The following MYO1D variants were observed in gnomAD, a reference collection of about 807,000 sequenced individuals.
MYO1D encodes unconventional myosin-Id.
A neutral mutation model predicts 122.0 loss-of-function variants in MYO1D; 83 were observed. The ratio of observed to expected loss-of-function variants is 0.68; its 90% CI spans 0.57 to 0.82. The LOEUF (loss-of-function observed/expected upper bound fraction) is 0.82, where lower values mean the gene tolerates loss of function less well. Among genes scored for constraint, MYO1D ranks in the 40% least tolerant of loss-of-function variants. MYO1D has a pLI of 0.00. For synonymous variants in MYO1D, 464 were observed against 446.9 expected (o/e 1.04, Z -0.48); for missense variants, 1,157 against 1,269.5 (o/e 0.91, Z 1.35).
intron 21 of MYO1D, among the ~76,000 whole-genome samples, chr17:32,597,241 G>C (rs1397913944): frequency 1.3e-5 from 2 of 152,084 alleles, no homozygotes; most frequent in African/African-American, 2.4e-5. Flanking sequence ...TATATTGGTC[G>C]CAGAAGGTTT....
chr17:32,552,768 A>G (rs1004024996), intron 21 of MYO1D, among the ~76,000 whole-genome samples: 1 of 152,236 alleles, frequency 6.6e-6, no homozygotes, highest in East Asian at 1.9e-4. Context: ...TTGGATGTGC[A>G]TCAGGGTGCT....
intron 20 of MYO1D, among the ~76,000 whole-genome samples, chr17:32,607,147 G>A (rs556195106): frequency 1.6e-4 from 24 of 151,780 alleles, no homozygotes; most frequent in Admixed American, 3.3e-4. Flanking sequence ...GCAACAGAGC[G>A]AGACTCCATC....
At chr17:32,751,017 A>G (rs1159442263) in intron 11 of MYO1D, among the ~76,000 whole-genome samples, 1 of 152,168 alleles carries the variant, frequency 6.6e-6, no homozygotes, top group Non-Finnish European at 1.5e-5. Flanking sequence ...ACATTCTTAC[A>G]TTTGGATACT....
chr17:32,735,222 C>T (rs914105772), intron 14 of MYO1D, among the ~76,000 whole-genome samples: 1 of 152,090 alleles, frequency 6.6e-6, no homozygotes, highest in African/African-American at 2.4e-5. Context: ...TGGAGTCTCG[C>T]TCTGTTGCCC....
chr17:32,652,161 G>C lies in MYO1D; in HGVS notation c.2595+1682C>G, dbSNP rs184338990. Among the ~76,000 whole-genome samples, 201 of 152,218 alleles carry C rather than the reference G, an allele frequency of 1.3e-3. 1 individual carries two copies. Among genetic ancestry groups the C allele is most frequent in the Non-Finnish European group, 1.4e-3 (94 of 68,016 alleles). ...GTAAATATGGGCTGTGGAATTCTTA[G>C]ATTAAGTGGTATGAGAATTTTAAAT... On this transcript the variant is annotated intron_variant, in intron 19 of 21. Coordinates refer to ENST00000318217, the MANE Select transcript of MYO1D (RefSeq NM_015194.3).
chr17:32,628,941 T>C (rs987886475), intron 20 of MYO1D, among the ~76,000 whole-genome samples: 6 of 152,220 alleles, frequency 3.9e-5, no homozygotes, highest in African/African-American at 1.2e-4. Context: ...CAAATGTTTT[T>C]AGTAGCTTTA....
At chr17:32,773,870 T>C (rs1210589696) in intron 4 of MYO1D, among the ~76,000 whole-genome samples, 1 of 151,990 alleles carries the variant, frequency 6.6e-6, no homozygotes, top group East Asian at 1.9e-4. Context: ...TACACATCGG[T>C]CCCTCCCTAG....
At chr17:32,619,233 T>C (rs546941922) in intron 20 of MYO1D, among the ~76,000 whole-genome samples, 27 of 152,346 alleles carry the variant, frequency 1.8e-4, no homozygotes, top group Non-Finnish European at 3.1e-4. Context: ...TTTCATATAT[T>C]GCAGTCATCA....
At chr17:32,645,041 T>C (rs1164078550) in intron 19 of MYO1D, among the ~76,000 whole-genome samples, 1 of 152,224 alleles carries the variant, frequency 6.6e-6, no homozygotes, top group Non-Finnish European at 1.5e-5. Context: ...GTTTTTGCAG[T>C]GGCTGGTACC....
chr17:32,591,663 T>C (rs1327301791), intron 21 of MYO1D, among the ~76,000 whole-genome samples: 1 of 139,478 alleles, frequency 7.2e-6, no homozygotes, highest in East Asian at 1.9e-4. Context: ...GGTGATTTCA[T>C]CAAAAAAAAA....
At chr17:32,499,678 G>A (rs934444715) in intron 21 of MYO1D, among the ~76,000 whole-genome samples, 4 of 151,888 alleles carry the variant, frequency 2.6e-5, no homozygotes, top group Non-Finnish European at 4.4e-5. Context: ...AAAATAAAAA[G>A]CCAAGTATGG....
intron 1 of MYO1D, among the ~76,000 whole-genome samples, chr17:32,810,777 T>C (rs2090563964): frequency 6.6e-6 from 1 of 152,236 alleles, no homozygotes; most frequent in Non-Finnish European, 1.5e-5. Flanking sequence ...TAACTTTTAA[T>C]ATGCCTTTAA....
Position 32,646,021 on chromosome 17 carries a change from G to T in MYO1D, c.2596-7186C>A, listed in dbSNP as rs138551975. ...CAGTTTTTCTGCTCTGTTTTTTCCC[G>T]ATCTTTGTGGTTTTATCTACCTTTG... On this transcript the variant is annotated intron_variant, in intron 19 of 21. Coordinates refer to ENST00000318217, the MANE Select transcript of MYO1D (RefSeq NM_015194.3). Among the ~76,000 whole-genome samples, 434 of 152,092 alleles carry T rather than the reference G, an allele frequency of 2.9e-3. 1 individual carries two copies. Among genetic ancestry groups the T allele is most frequent in the African/African-American group, 9.6e-3 (399 of 41,492 alleles).
At position 32,778,546 on chromosome 17, in the gene MYO1D, G is replaced by A; in HGVS notation, c.332C>T (p.Ala111Val). The change falls in exon 3 of 22, where the codon GCC becomes GTC. Residue 111 changes from alanine (A) to valine (V), a missense_variant. Ala to Val is a moderately conservative substitution (Grantham distance 64, BLOSUM62 0). Coordinates refer to ENST00000318217, the MANE Select transcript of MYO1D (RefSeq NM_015194.3). ...SGESGAGKTE[A>V]SKYIMQYIAA... ...AATATACTGCATAATGTACTTACTG[G>A]CTTCCGTTTTACCAGCTCCACTTTC... 6.2e-7 allele frequency: 1 copy of A among 1,613,954 alleles called. No homozygotes were observed. The highest frequency in any genetic ancestry group is 8.5e-7 in the Non-Finnish European group (1 of 1,179,880).
At chr17:32,587,501 A>AC (rs1448676802) in intron 21 of MYO1D, among the ~76,000 whole-genome samples, 3 of 147,476 alleles carry the variant, frequency 2.0e-5, no homozygotes, top group African/African-American at 7.5e-5. Flanking sequence ...GACAAGAGTG[A>AC]AACTCCGTTT....
Position 32,494,461 on chromosome 17 carries a change from G to A in MYO1D, c.*298C>T, listed in dbSNP as rs1909012606. The A allele has an allele frequency of 5.3e-6, 2 of 376,846 alleles. No individual in the cohort carries two copies. The highest frequency in any genetic ancestry group is 9.7e-6 in the Non-Finnish European group (2 of 205,590). 23.3% of individuals were successfully genotyped at this position (376,846 alleles called of 1,614,324 possible). A position where few individuals can be genotyped will look rare whatever the true frequency, so the allele number is the denominator to read the frequency against. ...GACTTGACCTGGCCACGGGGCATCC[G>A]CACCAACTAAAGGCACCATCCAGTT... On this transcript the variant is annotated 3_prime_UTR_variant, in exon 22 of 22. Coordinates refer to ENST00000318217, the MANE Select transcript of MYO1D (RefSeq NM_015194.3).
intron 16 of MYO1D, among the ~76,000 whole-genome samples, chr17:32,683,050 A>AGGCTTCTGC (rs2088945518): frequency 8.5e-6 from 1 of 117,562 alleles, no homozygotes; most frequent in Admixed American, 9.0e-5. Flanking sequence ...TCGGCTCCTG[A>AGGCTTCTGC]GGCTTCTGCA....
chr17:32,753,250 G>A (rs1451679950), intron 11 of MYO1D, among the ~76,000 whole-genome samples: 1 of 112,010 alleles, frequency 8.9e-6, no homozygotes, highest in African/African-American at 3.5e-5. Flanking sequence ...GACTCCAAAA[G>A]CAGGGGGTGA....
chr17:32,552,777 C>CTA (rs2087029984), intron 21 of MYO1D, among the ~76,000 whole-genome samples: 4 of 152,114 alleles, frequency 2.6e-5, no homozygotes. Flanking sequence ...CATCAGGGTG[C>CTA]TATAGTAAGC....
Sources: allele counts gnomAD v4.1 joint callset (sites outside exome capture counted in the v4.1 genomes callset), GRCh38; gene constraint gnomAD v4.1.1; transcripts MANE v1.5; gene names NCBI Gene and HGNC (gene_info 2026-07-23, HGNC 2026-07-21).